Variants in MAPKAP1 observed in about 807,000 individuals in gnomAD.
The protein encoded by MAPKAP1 is MAPK associated protein 1, also known as target of rapamycin complex 2 subunit MAPKAP1.
A neutral mutation model predicts 65.7 loss-of-function variants in MAPKAP1; 20 were observed. The observed-to-expected ratio is 0.30, with a 90% CI of 0.21 to 0.44. MAPKAP1 has a LOEUF of 0.44. Ranked by LOEUF, MAPKAP1 falls within the 20% of genes least tolerant of loss-of-function variation. The pLI is 1.00. For missense variants in MAPKAP1, 423 were observed against 648.0 expected (o/e 0.65, Z 3.77); for synonymous variants, 222 against 244.3 (o/e 0.91, Z 0.85).
intron 4 of MAPKAP1, chr9:125,596,492 T>C: frequency 1.3e-6 from 1 of 742,658 alleles, no homozygotes; most frequent in Non-Finnish European, 2.5e-6. Context: ...TTTGAACCCA[T>C]GATGAAAGGA....
chr9:125,502,029 C>T (rs748815877), intron 8 of MAPKAP1, among the ~76,000 whole-genome samples: 10 of 151,130 alleles, frequency 6.6e-5, no homozygotes, highest in Admixed American at 1.3e-4. Context: ...TTCTTTTATT[C>T]GTTTCAGGTT....
intron 1 of MAPKAP1, among the ~76,000 whole-genome samples, chr9:125,689,436 G>GGGA (rs1427465442): frequency 6.6e-5 from 1 of 15,264 alleles, no homozygotes; most frequent in African/African-American, 2.1e-4. Flanking sequence ...CTCCATCTCG[G>GGGA]AAAAAAAAAA....
intron 10 of MAPKAP1, among the ~76,000 whole-genome samples, chr9:125,457,362 T>G (rs1238778908): frequency 6.6e-6 from 1 of 152,220 alleles, no homozygotes; most frequent in Non-Finnish European, 1.5e-5. Flanking sequence ...TCTTAAGTTT[T>G]AATTTTTCTT....
intron 7 of MAPKAP1, among the ~76,000 whole-genome samples, chr9:125,506,638 C>T (rs1373363368): frequency 6.6e-6 from 1 of 152,158 alleles, no homozygotes; most frequent in Non-Finnish European, 1.5e-5. Flanking sequence ...CTCAGTTCTC[C>T]CCGAAACCAA....
At chr9:125,490,011 G>C (rs1854641106) in intron 8 of MAPKAP1, among the ~76,000 whole-genome samples, 1 of 152,192 alleles carries the variant, frequency 6.6e-6, no homozygotes, top group South Asian at 2.1e-4. Flanking sequence ...GGCTGCTCCT[G>C]CCCTGCCTAC....
chr9:125,679,120 GCCT>G (rs1489329096), intron 1 of MAPKAP1, among the ~76,000 whole-genome samples: 2 of 151,900 alleles, frequency 1.3e-5, no homozygotes, highest in African/African-American at 2.4e-5. Flanking sequence ...TCCTGCCTCA[GCCT>G]CCTGAGTGGC....
chr9:125,654,243 C>T (rs1234025363), intron 4 of MAPKAP1, among the ~76,000 whole-genome samples: 2 of 152,182 alleles, frequency 1.3e-5, no homozygotes, highest in Non-Finnish European at 2.9e-5. Context: ...AGGACTGGCA[C>T]AAGAAGTTTT....
chr9:125,494,409 G>A (rs1854859828), intron 8 of MAPKAP1, among the ~76,000 whole-genome samples: 2 of 152,198 alleles, frequency 1.3e-5, no homozygotes, highest in Non-Finnish European at 2.9e-5. Flanking sequence ...CACCGGGGTA[G>A]GGATCTTTGC....
At chr9:125,552,850 G>A (rs1430387237) in intron 6 of MAPKAP1, among the ~76,000 whole-genome samples, 1 of 152,134 alleles carries the variant, frequency 6.6e-6, no homozygotes, top group Non-Finnish European at 1.5e-5. Context: ...CTGAACCCAA[G>A]AGTTCCAGTC....
In MAPKAP1 at chr9:125,634,128, A is replaced by G. The variant is rs752180638; in HGVS notation, c.498+23523T>C. 6.5e-4 allele frequency among the ~76,000 whole-genome samples: 99 copies of G among 152,192 alleles called. 1 individual carries two copies. The highest frequency in any genetic ancestry group is 1.3e-4 in the Non-Finnish European group (9 of 68,028). ...CACTGCTTTGCTAAGACCACTGTTAATTTGTAATGAACTTGCTTTTCAGGG... is the reference window on the plus strand; with the variant it reads ...CACTGCTTTGCTAAGACCACTGTTAGTTTGTAATGAACTTGCTTTTCAGGG... On this transcript the variant is annotated intron_variant, in intron 4 of 11. Transcript: ENST00000265960.
chr9:125,549,275 C>G (rs1238006201), intron 6 of MAPKAP1, among the ~76,000 whole-genome samples: 3 of 152,248 alleles, frequency 2.0e-5, no homozygotes, highest in Admixed American at 2.0e-4. Flanking sequence ...TCTCGAGTCT[C>G]TGGTCCTGAC....
chr9:125,486,911 T>G (rs1034236487), intron 8 of MAPKAP1, among the ~76,000 whole-genome samples: 3 of 152,126 alleles, frequency 2.0e-5, no homozygotes, highest in African/African-American at 7.2e-5. Flanking sequence ...GTTTGGCTCC[T>G]TCTGTCCCCG....
At chr9:125,623,041 G>A (rs570297498) in intron 4 of MAPKAP1, among the ~76,000 whole-genome samples, 3 of 151,314 alleles carry the variant, frequency 2.0e-5, no homozygotes, top group Non-Finnish European at 3.0e-5. Flanking sequence ...CGAGTGATCC[G>A]CCAACCTCGG....
chr9:125,455,036 T>TA (rs919279533), intron 10 of MAPKAP1, among the ~76,000 whole-genome samples: 2,339 of 146,088 alleles, frequency 0.016, 28 homozygotes, highest in African/African-American at 0.034. Context: ...TAATAATAAT[T>TA]AAAAAAAAAA....
rs371022958 is a variant in MAPKAP1 at position 125,698,334 on chromosome 9, T to A, written c.-70+8637A>T. ...ATATATATATATATATATATATATA[T>A]ATAAAATATATATATTTTTTGAGAT... On this transcript the variant is annotated intron_variant, in intron 1 of 11. Transcript: ENST00000265960. Among the ~76,000 whole-genome samples the A allele has an allele frequency of 1.2e-3, 136 of 112,210 alleles. 3 individuals carry two copies. The highest frequency in any genetic ancestry group is 1.5e-3 in the Non-Finnish European group (84 of 55,824). The allele number at this position is 112,210 out of a possible 152,430, so 73.6% of individuals were successfully genotyped here. A position where few individuals can be genotyped will look rare whatever the true frequency, so the allele number is the denominator to read the frequency against.
At chr9:125,624,111 A>T in intron 4 of MAPKAP1, among the ~76,000 whole-genome samples, 1 of 14,718 alleles carries the variant, frequency 6.8e-5, no homozygotes, top group African/African-American at 1.5e-4. Flanking sequence ...CCTACTGGGA[A>T]GTGAGGAGCC....
At chr9:125,562,115 G>A (rs1830910278) in intron 5 of MAPKAP1, among the ~76,000 whole-genome samples, 1 of 152,178 alleles carries the variant, frequency 6.6e-6, no homozygotes, top group Admixed American at 6.5e-5. Context: ...GCATCACAGA[G>A]GTTCAGGGGC....
intron 4 of MAPKAP1, among the ~76,000 whole-genome samples, chr9:125,616,905 T>A (rs1367767115): frequency 6.6e-6 from 1 of 152,198 alleles, no homozygotes; most frequent in East Asian, 1.9e-4. Flanking sequence ...CTTTTAAAAT[T>A]AAATAAAATA....
intron 1 of MAPKAP1, among the ~76,000 whole-genome samples, chr9:125,673,086 CAT>C (rs1230083076): frequency 1.3e-5 from 2 of 152,296 alleles, no homozygotes; most frequent in African/African-American, 4.8e-5. Context: ...CCCCTCCTGT[CAT>C]ATGATTGTGA....
Sources: allele counts gnomAD v4.1 joint callset (sites outside exome capture counted in the v4.1 genomes callset), GRCh38; gene constraint gnomAD v4.1.1; transcripts MANE v1.5; gene names NCBI Gene and HGNC (gene_info 2026-07-23, HGNC 2026-07-21).